UBE3C: variants seen among roughly 807,000 people sequenced by gnomAD.
The protein encoded by UBE3C is ubiquitin protein ligase E3C.
Under a neutral mutation model 129.4 loss-of-function variants are expected in UBE3C, and 42 were observed. That is an observed-to-expected ratio of 0.32 (90% CI 0.25 to 0.42). The LOEUF (loss-of-function observed/expected upper bound fraction) is 0.42, where lower values mean the gene tolerates loss of function less well. Ranked by LOEUF, UBE3C falls within the 10% of genes least tolerant of loss-of-function variation. UBE3C has a pLI of 1.00. For synonymous variants in UBE3C, 510 were observed against 492.4 expected (o/e 1.04, Z -0.47); for missense variants, 1,049 against 1,319.1 (o/e 0.80, Z 3.17).
intron 22 of UBE3C, among the ~76,000 whole-genome samples, chr7:157,258,753 C>T (rs1446761607): frequency 1.3e-5 from 2 of 152,212 alleles, no homozygotes; most frequent in East Asian, 1.9e-4. Flanking sequence ...AGCCATCATG[C>T]CCGGCCCCCC....
At chr7:157,197,305 GCAAA>G (rs1483622334) in intron 10 of UBE3C, among the ~76,000 whole-genome samples, 2 of 152,000 alleles carry the variant, frequency 1.3e-5, no homozygotes, top group Non-Finnish European at 2.9e-5. Context: ...ATTTTTTTCT[GCAAA>G]CAAAACATTA....
chr7:157,253,064 A>T (rs1023656221), intron 19 of UBE3C, among the ~76,000 whole-genome samples: 2 of 152,172 alleles, frequency 1.3e-5, no homozygotes, highest in South Asian at 2.1e-4. Flanking sequence ...AATACTTTTT[A>T]AAAATTTTTT....
At chr7:157,167,531 C>G (rs763713771) in intron 2 of UBE3C, among the ~76,000 whole-genome samples, 2 of 151,810 alleles carry the variant, frequency 1.3e-5, no homozygotes, top group Non-Finnish European at 2.9e-5. Context: ...AAATGCCTCT[C>G]TCTCTCTCTT....
intron 22 of UBE3C, among the ~76,000 whole-genome samples, chr7:157,258,222 C>G (rs968271200): frequency 4.6e-5 from 7 of 152,140 alleles, no homozygotes; most frequent in African/African-American, 1.2e-4. Context: ...GCTGGGATGA[C>G]AGGTGTGAGC....
chr7:157,183,016 G>A (rs182563624), intron 8 of UBE3C, among the ~76,000 whole-genome samples: 47 of 152,204 alleles, frequency 3.1e-4, no homozygotes, highest in African/African-American at 1.1e-3. Flanking sequence ...CACAGTGCTG[G>A]GATTACAGGC....
chr7:157,233,841 C>T (rs908078172), intron 18 of UBE3C, among the ~76,000 whole-genome samples: 7 of 152,168 alleles, frequency 4.6e-5, no homozygotes, highest in Non-Finnish European at 1.0e-4. Context: ...TTCAGTGACT[C>T]CACATCGTTG....
At chr7:157,203,853 G>C (rs1344702988) in intron 11 of UBE3C, among the ~76,000 whole-genome samples, 1 of 152,176 alleles carries the variant, frequency 6.6e-6, no homozygotes, top group Non-Finnish European at 1.5e-5. Flanking sequence ...CCCATTGTAA[G>C]TTGAAAATAT....
At chr7:157,163,893 T>G in intron 2 of UBE3C, 30 bp downstream of exon 2, 2 of 1,602,856 alleles carry the variant, frequency 1.2e-6, no homozygotes, top group Non-Finnish European at 1.7e-6. Flanking sequence ...ACTCTGTAGA[T>G]AAGCATTTTT....
At position 157,139,215 on chromosome 7, in the gene UBE3C, C is replaced by T; in HGVS notation, c.-58C>T. The T allele has an allele frequency of 1.5e-6, 2 of 1,333,948 alleles. No homozygotes were observed. The highest frequency in any genetic ancestry group is 1.6e-5 in the South Asian group (1 of 60,770). The allele number at this position is 1,333,948 out of a possible 1,614,324, so 82.6% of individuals were successfully genotyped here. ...GAGAGCCTCCCAGCCCGCCCCGTGC[C>T]CCGCCCGCCCGGCTGCTTCCGCGGC... On this transcript the variant is annotated 5_prime_UTR_variant, in exon 1 of 23. Coordinates refer to ENST00000348165, the MANE Select transcript of UBE3C (RefSeq NM_014671.3).
chr7:157,187,069 T>A (rs181449007), intron 10 of UBE3C, 48 bp downstream of exon 10: 13 of 1,526,172 alleles, frequency 8.5e-6, no homozygotes, highest in Non-Finnish European at 1.1e-5. Context: ...CCAGAGAACA[T>A]ACCTTCCTCC....
At chr7:157,219,511 T>C (rs888254465) in intron 14 of UBE3C, among the ~76,000 whole-genome samples, 1 of 152,060 alleles carries the variant, frequency 6.6e-6, no homozygotes, top group African/African-American at 2.4e-5. Context: ...ACAGGAAACA[T>C]AGGGGTTAGA....
intron 13 of UBE3C, among the ~76,000 whole-genome samples, chr7:157,214,335 A>T (rs1809677010): frequency 6.6e-6 from 1 of 152,212 alleles, no homozygotes; most frequent in South Asian, 2.1e-4. Context: ...TGTAGAAAAT[A>T]TATGTTCTTA....
chr7:157,210,455 T>C (rs1445292787), intron 13 of UBE3C, among the ~76,000 whole-genome samples: 1 of 152,206 alleles, frequency 6.6e-6, no homozygotes, highest in Non-Finnish European at 1.5e-5. Context: ...TGAAGTTGTA[T>C]GAACTTACAC....
intron 1 of UBE3C, among the ~76,000 whole-genome samples, chr7:157,150,028 A>T (rs1234977008): frequency 6.6e-6 from 1 of 152,138 alleles, no homozygotes; most frequent in East Asian, 1.9e-4. Flanking sequence ...GCTGTTGCTG[A>T]GGGCATACAG....
At chr7:157,218,455 T>TA (rs986599602) in intron 14 of UBE3C, among the ~76,000 whole-genome samples, 139 of 134,918 alleles carry the variant, frequency 1.0e-3, no homozygotes, top group South Asian at 1.4e-3. Context: ...TCTCAAAAAA[T>TA]AAAAAAAAAA....
At chr7:157,164,304 A>C (rs1021988190) in intron 2 of UBE3C, 1 of 454,562 alleles carries the variant, frequency 2.2e-6, no homozygotes, top group Non-Finnish European at 4.4e-6. Flanking sequence ...CTACAGGTGC[A>C]TGCCACCATG....
intron 10 of UBE3C, 79 bp downstream of exon 10, chr7:157,187,100 A>G (rs1808828851): frequency 6.9e-7 from 1 of 1,446,874 alleles, no homozygotes. Context: ...CTCTCCTCTT[A>G]AGTTTTGTCT....
In UBE3C at chr7:157,186,881, G is replaced by A. The variant is rs1808820704; in HGVS notation, c.1191G>A (p.Lys397=). Residue 397 remains lysine (K), a synonymous_variant, in exon 10 of 23, where the codon AAG becomes AAA. Coordinates refer to ENST00000348165, the MANE Select transcript of UBE3C (RefSeq NM_014671.3). Reference sequence around the variant, plus strand: ...CATACATAACAGAGGAATGCCTGAAGAAGCTGGACACAAAGCAGCAGACCA... The same window carrying A: ...CATACATAACAGAGGAATGCCTGAAAAAGCTGGACACAAAGCAGCAGACCA... The part of the protein sequence containing the change: ...SVSYITEECL[K]KLDTKQQTNT... The A allele has an allele frequency of 1.9e-6, 3 of 1,614,090 alleles. No individual in the cohort carries two copies. Among genetic ancestry groups the A allele is most frequent in the East Asian group, 2.2e-5 (1 of 44,902 alleles).
At chr7:157,157,839 G>A (rs1807953925) in intron 1 of UBE3C, among the ~76,000 whole-genome samples, 1 of 151,960 alleles carries the variant, frequency 6.6e-6, no homozygotes. Context: ...AAATTAGCCA[G>A]GCATGGTGGT....
Sources: gnomAD v4.1 joint callset for allele counts (sites outside exome capture counted in the v4.1 genomes callset) on GRCh38, gnomAD v4.1.1 for gene constraint, MANE v1.5 for transcripts, NCBI Gene and HGNC (gene_info 2026-07-23, HGNC 2026-07-21) for gene names.